C11orf65: variants seen among roughly 807,000 people sequenced by gnomAD.
C11orf65 encodes the protein protein MFI.
C11orf65 carries 38 observed loss-of-function variants against 35.3 expected under a neutral mutation model. The ratio of observed to expected loss-of-function variants is 1.08; its 90% CI spans 0.83 to 1.41. C11orf65 has a LOEUF of 1.41. Ranked by LOEUF, C11orf65 falls within the 40% of genes most tolerant of loss-of-function variation. The probability of loss-of-function intolerance (pLI) is 0.00; values close to 1 mark genes in which losing one functional copy is unlikely to be tolerated. For missense variants in C11orf65, 370 were observed against 367.1 expected, an observed-to-expected ratio of 1.01 and a Z score of -0.06; for synonymous variants, 105 against 114.4, an observed-to-expected ratio of 0.92 and a Z score of 0.53.
At chr11:108,329,400 G>A, downstream of C11orf65, 1 of 708,294 alleles carries the variant, frequency 1.4e-6, no homozygotes, top group East Asian at 2.8e-5. Flanking sequence ...GTTCTTTTCG[G>A]TTTTTGTTTT....
At chr11:108,442,942 T>C (rs1009926948) in intron 2 of C11orf65, among the ~76,000 whole-genome samples, 11 of 152,168 alleles carry the variant, frequency 7.2e-5, no homozygotes, top group Non-Finnish European at 1.2e-4. Flanking sequence ...AACATCATAA[T>C]GACAGGATCA....
chr11:108,317,613 TTTTATATA>T lies in C11orf65; in HGVS notation c.641-8550_641-8543del, dbSNP rs1293598473. 22 of 270,358 alleles carry T rather than the reference TTTTATATA, an allele frequency of 8.1e-5. No individual in the cohort carries two copies. The African/African-American group carries it at 1.3e-3, about 16-fold the overall frequency. The allele number at this position is 270,358 out of a possible 1,614,324, so 16.7% of individuals were successfully genotyped here. A position where few individuals can be genotyped will look rare whatever the true frequency, so the allele number is the denominator to read the frequency against. ...TCTTCTATGAATATAACAGGAGTTG[TTTTATATA>T]TATATATATATATATATATATATAT... On this transcript the variant is annotated intron_variant, in intron 6 of 6. Transcript: ENST00000525729.
chr11:108,377,815 G>A (rs996927176), downstream of C11orf65, among the ~76,000 whole-genome samples: 401 of 151,932 alleles, frequency 2.6e-3, 1 homozygote, highest in African/African-American at 9.2e-3. Context: ...ACAAAAATCA[G>A]AAGCATTCTT....
At chr11:108,373,734 C>T (rs151282522) in intron 2 of C11orf65, among the ~76,000 whole-genome samples, 228 of 152,336 alleles carry the variant, frequency 1.5e-3, no homozygotes, top group South Asian at 6.6e-3. Context: ...TCGCATCACA[C>T]GGGAAGCGCA....
At chr11:108,429,273 T>C (rs1591535246) in intron 3 of C11orf65, among the ~76,000 whole-genome samples, 1 of 152,326 alleles carries the variant, frequency 6.6e-6, no homozygotes, top group East Asian at 1.9e-4. Flanking sequence ...TGCTTCAAAA[T>C]AACCTAGAGG....
intron 2 of C11orf65, among the ~76,000 whole-genome samples, chr11:108,342,017 C>G (rs984753370): frequency 2.6e-5 from 4 of 152,192 alleles, no homozygotes; most frequent in African/African-American, 9.7e-5. Flanking sequence ...AGGCCACATG[C>G]AGCCTACAGG....
At chr11:108,346,400 T>C (rs1216402271) in intron 2 of C11orf65, 2 of 153,188 alleles carry the variant, frequency 1.3e-5, no homozygotes, top group Admixed American at 6.5e-5. Context: ...ATTTTGACTT[T>C]TTTTCCCTAA....
intron 1 of C11orf65, among the ~76,000 whole-genome samples, chr11:108,463,285 G>A (rs577181850): frequency 1.0e-3 from 153 of 152,184 alleles, no homozygotes; most frequent in African/African-American, 3.3e-3. Context: ...AAAAGGATAC[G>A]CCATTCATAA....
chr11:108,396,164 C>T (rs1244465879), intron 6 of C11orf65, among the ~76,000 whole-genome samples: 1 of 152,150 alleles, frequency 6.6e-6, no homozygotes, highest in Non-Finnish European at 1.5e-5. Context: ...ACGATCTTGG[C>T]TCACTGTAAC....
chr11:108,404,642 G>A (rs1299311103), intron 6 of C11orf65, among the ~76,000 whole-genome samples: 1 of 149,460 alleles, frequency 6.7e-6, no homozygotes, highest in East Asian at 2.0e-4. Context: ...TGTTAGCGAG[G>A]ATGGTCTCAA....
At chr11:108,448,076 T>C (rs1190732366) in intron 2 of C11orf65, among the ~76,000 whole-genome samples, 1 of 152,144 alleles carries the variant, frequency 6.6e-6, no homozygotes, top group Middle Eastern at 3.2e-3. Flanking sequence ...CTCCCAAGAC[T>C]AAACCAGGAA....
At chr11:108,331,986 A>C in intron 3 of C11orf65, 1 of 1,614,116 alleles carries the variant, frequency 6.2e-7, no homozygotes, top group Non-Finnish European at 8.5e-7. Context: ...AGGTAGCCAG[A>C]AGAAGCAGAA....
intron 3 of C11orf65, chr11:108,333,026 A>G: frequency 8.2e-7 from 1 of 1,225,176 alleles, no homozygotes; most frequent in Non-Finnish European, 1.1e-6. Context: ...AGCTTAATTT[A>G]TATCTGATGG....
intron 2 of C11orf65, among the ~76,000 whole-genome samples, chr11:108,371,768 T>C (rs552385029): frequency 4.6e-5 from 7 of 152,220 alleles, no homozygotes; most frequent in Non-Finnish European, 1.0e-4. Flanking sequence ...TGTTGGATCA[T>C]ATAGTCATTC....
At chr11:108,328,892 G>C, downstream of C11orf65, 2 of 1,055,934 alleles carry the variant, frequency 1.9e-6, no homozygotes, top group Non-Finnish European at 1.4e-6. Context: ...GTTTGCAATA[G>C]TTCATATAAT....
chr11:108,453,065 C>G (rs1045629947), intron 2 of C11orf65, among the ~76,000 whole-genome samples: 1 of 148,638 alleles, frequency 6.7e-6, no homozygotes, highest in Non-Finnish European at 1.5e-5. Context: ...TGAGTTAATG[C>G]GTGCAGCACA....
upstream of C11orf65, among the ~76,000 whole-genome samples, chr11:108,469,527 G>A (rs1414068257): frequency 2.0e-5 from 3 of 151,152 alleles, no homozygotes; most frequent in East Asian, 2.0e-4. Context: ...GGCAAAAACC[G>A]CGATTACTTT....
chr11:108,358,703 T>C (rs1294940289), intron 2 of C11orf65, among the ~76,000 whole-genome samples: 2 of 149,982 alleles, frequency 1.3e-5, no homozygotes. Context: ...CTAAGCTTCA[T>C]CAGTGAAGTA....
At chr11:108,446,507 C>A (rs1174490471) in intron 2 of C11orf65, among the ~76,000 whole-genome samples, 1 of 151,562 alleles carries the variant, frequency 6.6e-6, no homozygotes. Context: ...AATTTTCAAC[C>A]CAGAATTTCA....
Sources: gnomAD v4.1 joint callset for allele counts (sites outside exome capture counted in the v4.1 genomes callset) on GRCh38, gnomAD v4.1.1 for gene constraint, MANE v1.5 for transcripts, NCBI Gene and HGNC (gene_info 2026-07-23, HGNC 2026-07-21) for gene names.